The following ITPKB variants were observed in gnomAD, a reference collection of about 807,000 sequenced individuals.
The protein encoded by ITPKB is inositol-trisphosphate 3-kinase B, also known as IP3 3-kinase B.
ITPKB carries 13 observed loss-of-function variants against 69.4 expected under a neutral mutation model. That is an observed-to-expected ratio of 0.19 (90% CI 0.12 to 0.30). ITPKB has a LOEUF of 0.30. ITPKB is among the 10% of genes least tolerant of loss of function. The probability of loss-of-function intolerance (pLI) is 1.00; values close to 1 mark genes in which losing one functional copy is unlikely to be tolerated. For synonymous variants in ITPKB, 584 were observed against 513.7 expected, an observed-to-expected ratio of 1.14 and a Z score of -1.85; for missense variants, 1,240 against 1,250.5, an observed-to-expected ratio of 0.99 and a Z score of 0.13.
rs1203838395 is a variant in ITPKB, at chr1:226,735,767, G to T, written c.1692C>A (p.Ser564Arg). 1.9e-6 allele frequency: 3 copies of T among 1,599,174 alleles called. No individual in the cohort carries two copies. The African/African-American group carries it at 4.0e-5, about 21-fold the overall frequency. ...KPFLRKACSP[S>R]NIPAVIITDM... The stretch of plus-strand genomic sequence containing the variant: ...CTGTAATGATGACAGCAGGTATGTT[G>T]CTGGGGCTGCAGGCCTTCCTCAGGA... Residue 564 changes from serine (S) to arginine (R), a missense_variant, in exon 2 of 8, where the codon AGC becomes AGA. Transcript: ENST00000429204.
At chr1:226,733,581 C>A (rs1657658957) in intron 2 of ITPKB, among the ~76,000 whole-genome samples, 1 of 151,530 alleles carries the variant, frequency 6.6e-6, no homozygotes, top group Non-Finnish European at 1.5e-5. Flanking sequence ...TACACACACA[C>A]ACACACACCC....
chr1:226,723,708 C>G (rs992009542), intron 2 of ITPKB, among the ~76,000 whole-genome samples: 1 of 152,104 alleles, frequency 6.6e-6, no homozygotes, highest in East Asian at 1.9e-4. Context: ...TTTCACACCC[C>G]AAATGCTGGG....
chr1:226,673,646 T>C (rs1049940142), intron 2 of ITPKB, among the ~76,000 whole-genome samples: 1 of 152,254 alleles, frequency 6.6e-6, no homozygotes, highest in Non-Finnish European at 1.5e-5. Flanking sequence ...AGTCATCGTA[T>C]AAACATAGAT....
intron 2 of ITPKB, among the ~76,000 whole-genome samples, chr1:226,675,319 C>T (rs1410492961): frequency 2.0e-5 from 3 of 152,112 alleles, no homozygotes; most frequent in East Asian, 1.9e-4. Flanking sequence ...TTCAAGAAGC[C>T]GGCCACACTG....
chr1:226,683,724 C>T (rs1383163633), intron 2 of ITPKB, among the ~76,000 whole-genome samples: 2 of 152,080 alleles, frequency 1.3e-5, no homozygotes, highest in Non-Finnish European at 2.9e-5. Context: ...CACATCATTC[C>T]CTCTTTTCTA....
At chr1:226,729,886 C>A (rs181679838) in intron 2 of ITPKB, among the ~76,000 whole-genome samples, 1 of 152,164 alleles carries the variant, frequency 6.6e-6, no homozygotes, top group Non-Finnish European at 1.5e-5. Flanking sequence ...TGAACCACCA[C>A]ACCTGGCCTA....
At chr1:226,698,720 A>G (rs1055015755) in intron 2 of ITPKB, among the ~76,000 whole-genome samples, 1 of 152,220 alleles carries the variant, frequency 6.6e-6, no homozygotes, top group Non-Finnish European at 1.5e-5. Context: ...CAGATGGGGC[A>G]GCCCTCCCTG....
intron 3 of ITPKB, among the ~76,000 whole-genome samples, chr1:226,647,964 G>A (rs1263720648): frequency 6.6e-6 from 1 of 152,212 alleles, no homozygotes; most frequent in African/African-American, 2.4e-5. Context: ...ACCTTGTGCT[G>A]GCCTGAGGAG....
chr1:226,697,450 G>T (rs902877813), intron 2 of ITPKB, among the ~76,000 whole-genome samples: 1 of 152,230 alleles, frequency 6.6e-6, no homozygotes, highest in Non-Finnish European at 1.5e-5. Flanking sequence ...CACAGCCCTG[G>T]CATCAGCAAG....
Position 226,736,665 on chromosome 1 carries a change from G to A in ITPKB, c.794C>T (p.Pro265Leu). The part of the protein sequence containing the change: ...VRMEKGIPAS[P>L]RCGSPTAMEI... ...CATAGCTGTGGGTGAGCCACAGCGGGGACTGGCAGGGATACCCTTCTCCAT... is the reference window on the plus strand; with the variant it reads ...CATAGCTGTGGGTGAGCCACAGCGGAGACTGGCAGGGATACCCTTCTCCAT... Residue 265 changes from proline to leucine, a missense_variant, in exon 2 of 8, where the codon CCC (proline) becomes CTC (leucine). Pro to Leu is a moderately conservative substitution (Grantham distance 98). Around this residue, in one of 2 missense-constraint regions of ITPKB, gnomAD observed 992 missense variants for 853.8 expected, o/e 1.16. Coordinates refer to ENST00000429204, the MANE Select transcript of ITPKB (RefSeq NM_002221.4). 2 of 1,613,288 alleles carry A rather than the reference G, an allele frequency of 1.2e-6. No individual in the cohort carries two copies. Among genetic ancestry groups the A allele is most frequent in the Non-Finnish European group, 1.7e-6 (2 of 1,179,936 alleles).
chr1:226,731,676 G>A (rs1657592460), intron 2 of ITPKB, among the ~76,000 whole-genome samples: 3 of 152,020 alleles, frequency 2.0e-5, no homozygotes, highest in South Asian at 4.2e-4. Context: ...GACTTTCTGA[G>A]TGTTTATTTC....
intron 7 of ITPKB, among the ~76,000 whole-genome samples, chr1:226,636,977 G>A (rs1668853859): frequency 6.6e-6 from 1 of 152,098 alleles, no homozygotes. Context: ...GAATGTGTGT[G>A]CATGTAGGGT....
chr1:226,727,943 C>T (rs1225578377), intron 2 of ITPKB, among the ~76,000 whole-genome samples: 1 of 152,144 alleles, frequency 6.6e-6, no homozygotes, highest in African/African-American at 2.4e-5. Context: ...CCCTTTCCAC[C>T]CAGAATCTTA....
At chr1:226,676,921 C>T (rs974461677) in intron 2 of ITPKB, among the ~76,000 whole-genome samples, 6 of 152,174 alleles carry the variant, frequency 3.9e-5, no homozygotes, top group African/African-American at 1.4e-4. Context: ...CTGGAAGGAC[C>T]ATATTGTGTT....
chr1:226,639,343 C>A (rs948333326), intron 6 of ITPKB, among the ~76,000 whole-genome samples: 1 of 152,196 alleles, frequency 6.6e-6, no homozygotes, highest in Non-Finnish European at 1.5e-5. Flanking sequence ...CAGGCGTGAG[C>A]CACTGTGCCC....
chr1:226,652,517 G>A (rs984493444), intron 2 of ITPKB, among the ~76,000 whole-genome samples: 1 of 152,226 alleles, frequency 6.6e-6, no homozygotes, highest in Non-Finnish European at 1.5e-5. Flanking sequence ...GCCCTCCCTT[G>A]TGGGAGATAT....
chr1:226,706,834 G>A (rs552702822), intron 2 of ITPKB, among the ~76,000 whole-genome samples: 2 of 152,284 alleles, frequency 1.3e-5, no homozygotes, highest in South Asian at 4.2e-4. Context: ...TGTGTCAGTC[G>A]CCACTCTGTT....
intron 3 of ITPKB, 74 bp downstream of exon 3, chr1:226,648,598 A>C (rs1196403982): frequency 2.7e-5 from 24 of 901,778 alleles, no homozygotes; most frequent in Non-Finnish European, 4.3e-5. Context: ...TTTGATCCCC[A>C]GAATGCAGCG....
chr1:226,679,222 C>T (rs1459161453), intron 2 of ITPKB, among the ~76,000 whole-genome samples: 1 of 152,150 alleles, frequency 6.6e-6, no homozygotes, highest in Admixed American at 6.5e-5. Context: ...TAAAATGTAC[C>T]AAAATTCCAA....
Sources: allele counts gnomAD v4.1 joint callset (sites outside exome capture counted in the v4.1 genomes callset), GRCh38; gene constraint gnomAD v4.1.1; regional missense constraint gnomAD v4.1.1; transcripts MANE v1.5; gene names NCBI Gene and HGNC (gene_info 2026-07-23, HGNC 2026-07-21).